KCNB2: variants seen among roughly 807,000 people sequenced by gnomAD.
KCNB2 encodes the protein potassium voltage-gated channel subfamily B member 2.
Under a neutral mutation model 61.5 loss-of-function variants are expected in KCNB2, and 15 were observed. The ratio of observed to expected loss-of-function variants is 0.24; its 90% CI spans 0.16 to 0.38. The LOEUF is 0.38. KCNB2 is among the 10% of genes least tolerant of loss of function. The pLI is 1.00. For synonymous variants in KCNB2, 457 were observed against 446.0 expected (o/e 1.02, Z -0.31); for missense variants, 828 against 1,125.2 (o/e 0.74, Z 3.78).
intron 2 of KCNB2, among the ~76,000 whole-genome samples, chr8:72,705,070 G>A (rs1022574286): frequency 1.3e-5 from 2 of 152,140 alleles, no homozygotes; most frequent in South Asian, 4.1e-4. Context: ...ATGAAGCTGT[G>A]GGAGGTAATA....
intron 2 of KCNB2, among the ~76,000 whole-genome samples, chr8:72,690,155 T>C (rs1385469107): frequency 6.6e-6 from 1 of 152,194 alleles, no homozygotes; most frequent in Non-Finnish European, 1.5e-5. Context: ...TTCACTGAGC[T>C]TTGAAAGCTG....
chr8:72,886,573 G>A (rs1174737827), intron 2 of KCNB2, among the ~76,000 whole-genome samples: 1 of 152,182 alleles, frequency 6.6e-6, no homozygotes, highest in Non-Finnish European at 1.5e-5. Context: ...ACTCTGCTCA[G>A]AAAGAGATAT....
chr8:72,611,820 T>C (rs1366112493), intron 2 of KCNB2, among the ~76,000 whole-genome samples: 1 of 152,156 alleles, frequency 6.6e-6, no homozygotes, highest in Non-Finnish European at 1.5e-5. Context: ...GGTAGCCCAC[T>C]TGCTGCCCAA....
At chr8:72,821,636 A>C (rs1437322307) in intron 2 of KCNB2, among the ~76,000 whole-genome samples, 23 of 106,134 alleles carry the variant, frequency 2.2e-4, no homozygotes, top group African/African-American at 7.7e-4. Context: ...ACACACAAAA[A>C]AAAACAAAAA....
intron 2 of KCNB2, among the ~76,000 whole-genome samples, chr8:72,654,443 CA>C (rs1806259966): frequency 6.6e-6 from 1 of 152,186 alleles, no homozygotes; most frequent in Non-Finnish European, 1.5e-5. Context: ...TAGAAGAGTG[CA>C]ACATAATACC....
chr8:72,782,665 C>T (rs1563383698), intron 2 of KCNB2, among the ~76,000 whole-genome samples: 1 of 152,124 alleles, frequency 6.6e-6, no homozygotes, highest in African/African-American at 2.4e-5. Flanking sequence ...TGGCTCTTTC[C>T]ATCCACTTTT....
At chr8:72,592,554 T>C (rs1807117712) in intron 2 of KCNB2, among the ~76,000 whole-genome samples, 2 of 152,130 alleles carry the variant, frequency 1.3e-5, no homozygotes, top group African/African-American at 4.8e-5. Flanking sequence ...ATATTTTTTA[T>C]GTGAGGCATG....
intron 2 of KCNB2, among the ~76,000 whole-genome samples, chr8:72,891,854 C>A (rs1475188680): frequency 6.6e-6 from 1 of 152,082 alleles, no homozygotes; most frequent in Non-Finnish European, 1.5e-5. Context: ...TTAACACATC[C>A]CACTTTCTAC....
intron 2 of KCNB2, among the ~76,000 whole-genome samples, chr8:72,640,482 A>G (rs1295197596): frequency 2.6e-5 from 4 of 152,232 alleles, no homozygotes; most frequent in African/African-American, 9.6e-5. Flanking sequence ...GAAATCCTCT[A>G]GAAAGTTATG....
chr8:72,911,283 T>G (rs1806286241), intron 2 of KCNB2, among the ~76,000 whole-genome samples: 1 of 152,178 alleles, frequency 6.6e-6, no homozygotes, highest in Non-Finnish European at 1.5e-5. Context: ...ACACACAGAT[T>G]TGGGATTGGT....
chr8:72,634,374 T>G (rs145882592), intron 2 of KCNB2, among the ~76,000 whole-genome samples: 1 of 152,292 alleles, frequency 6.6e-6, no homozygotes, highest in African/African-American at 2.4e-5. Flanking sequence ...ACATTCACAT[T>G]CTAATTATCG....
intron 2 of KCNB2, among the ~76,000 whole-genome samples, chr8:72,893,083 G>T (rs1309815242): frequency 2.0e-5 from 3 of 151,178 alleles, no homozygotes; most frequent in African/African-American, 7.3e-5. Context: ...AAAGGAAGGA[G>T]GTTGATGCAA....
chr8:72,887,650 G>T (rs1331114674), intron 2 of KCNB2, among the ~76,000 whole-genome samples: 1 of 152,220 alleles, frequency 6.6e-6, no homozygotes, highest in African/African-American at 2.4e-5. Context: ...GCAAACTCTT[G>T]TTCCCAGAGA....
At chr8:72,837,472 C>T (rs184286873) in intron 2 of KCNB2, among the ~76,000 whole-genome samples, 1 of 152,220 alleles carries the variant, frequency 6.6e-6, no homozygotes, top group East Asian at 1.9e-4. Context: ...ATCAGATAGA[C>T]AGGCACCATC....
chr8:72,915,058 C>T (rs1196797049), intron 2 of KCNB2, among the ~76,000 whole-genome samples: 4 of 152,012 alleles, frequency 2.6e-5, no homozygotes, highest in African/African-American at 9.7e-5. Flanking sequence ...GCATGCACCA[C>T]CATGCCCCGC....
At chr8:72,617,427 A>C (rs1262205531) in intron 2 of KCNB2, among the ~76,000 whole-genome samples, 1 of 152,116 alleles carries the variant, frequency 6.6e-6, no homozygotes, top group Admixed American at 6.6e-5. Flanking sequence ...TTGGCACCCA[A>C]ATCAGATGTT....
At chr8:72,569,299 T>A (rs1414454645) in intron 2 of KCNB2, among the ~76,000 whole-genome samples, 1 of 152,172 alleles carries the variant, frequency 6.6e-6, no homozygotes, top group Non-Finnish European at 1.5e-5. Flanking sequence ...TTCTTTTGAT[T>A]TACTGTTTTT....
intron 2 of KCNB2, among the ~76,000 whole-genome samples, chr8:72,680,590 G>A (rs548329008): frequency 1.3e-5 from 2 of 152,190 alleles, no homozygotes; most frequent in Non-Finnish European, 1.5e-5. Flanking sequence ...GTGGGAGGCA[G>A]TGAGGTATTG....
chr8:72,820,460 G>A (rs1204554186), intron 2 of KCNB2, among the ~76,000 whole-genome samples: 1 of 152,118 alleles, frequency 6.6e-6, no homozygotes, highest in Non-Finnish European at 1.5e-5. Flanking sequence ...ATCATGTTCA[G>A]AGTGGGATTT....
Sources: allele counts gnomAD v4.1 joint callset (sites outside exome capture counted in the v4.1 genomes callset), GRCh38; gene constraint gnomAD v4.1.1; transcripts MANE v1.5; gene names NCBI Gene and HGNC (gene_info 2026-07-23, HGNC 2026-07-21).